Variants in KRABD3 observed in about 807,000 individuals in gnomAD.
KRABD3 encodes the protein KRAB domain containing 3.
At chr7:149,725,647 G>A in the KRABD3 span, among the ~76,000 whole-genome samples, 1 of 152,224 alleles carries the variant, frequency 6.6e-6, no homozygotes, top group African/African-American at 2.4e-5. Flanking sequence ...CCGCCCGCAT[G>A]TGCTGAAAGC....
chr7:149,717,523 C>T, the KRABD3 span, among the ~76,000 whole-genome samples: 1 of 152,240 alleles, frequency 6.6e-6, no homozygotes, highest in South Asian at 2.1e-4. Flanking sequence ...GTGTCTGAGA[C>T]TGTTCCTGAG....
At chr7:149,726,824 C>G in the KRABD3 span, among the ~76,000 whole-genome samples, 5 of 152,104 alleles carry the variant, frequency 3.3e-5, no homozygotes, top group African/African-American at 2.4e-5. Context: ...CAGGGGATCA[C>G]TTGAGCCCCA....
the KRABD3 span, chr7:149,720,986 C>T: frequency 5.6e-6 from 9 of 1,613,292 alleles, no homozygotes; most frequent in East Asian, 4.5e-5. Flanking sequence ...GAGCGAGCCC[C>T]GAGGGTAAGT....
chr7:149,730,131 C>T, the KRABD3 span: 5 of 1,487,920 alleles, frequency 3.4e-6, no homozygotes, highest in African/African-American at 2.8e-5. Context: ...AGAGCACTCT[C>T]TGGTCCCCTG....
At chr7:149,721,665 T>C in the KRABD3 span, 2 of 1,076,018 alleles carry the variant, frequency 1.9e-6, no homozygotes, top group East Asian at 2.6e-5. Context: ...GCTGTTCTTT[T>C]GTTAACAAAG....
the KRABD3 span, chr7:149,734,194 G>A: frequency 1.0e-3 from 1,128 of 1,127,998 alleles, 14 homozygotes; most frequent in African/African-American, 0.016. Flanking sequence ...GTCCCAACTG[G>A]GTAGAGCCCC....
the KRABD3 span, among the ~76,000 whole-genome samples, chr7:149,716,827 C>T: frequency 6.6e-6 from 1 of 152,180 alleles, no homozygotes; most frequent in African/African-American, 2.4e-5. Flanking sequence ...AATCATAGCA[C>T]TTAATATTCA....
chr7:149,719,615 C>T, the KRABD3 span: 1 of 1,607,118 alleles, frequency 6.2e-7, no homozygotes, highest in Non-Finnish European at 8.5e-7. The surrounding 1 kb of genome is among the most constrained non-coding windows in gnomAD (Gnocchi z 5.6). Flanking sequence ...GGAGGAGGGG[C>T]AGAGGGAGTT....
At chr7:149,725,382 G>T in the KRABD3 span, 4 of 1,609,110 alleles carry the variant, frequency 2.5e-6, no homozygotes, top group Non-Finnish European at 3.4e-6. Flanking sequence ...CCCCAAATGG[G>T]TCGTCACCTT....
chr7:149,731,526 G>T, the KRABD3 span: 1 of 694,376 alleles, frequency 1.4e-6, no homozygotes. Flanking sequence ...CCAGAATTAG[G>T]CTCCCTCATG....
chr7:149,722,823 C>G, the KRABD3 span: 2 of 1,610,948 alleles, frequency 1.2e-6, no homozygotes, highest in Non-Finnish European at 1.7e-6. Context: ...GCCTCATCAA[C>G]TGTCTGAAGG....
the KRABD3 span, chr7:149,720,077 G>T: frequency 6.4e-7 from 1 of 1,554,030 alleles, no homozygotes. Context: ...GTTGGGGGAG[G>T]GAGCCACGCT....
the KRABD3 span, chr7:149,730,070 C>G: frequency 2.1e-6 from 3 of 1,425,536 alleles, no homozygotes; most frequent in Non-Finnish European, 2.8e-6. Context: ...GGGACCGGTT[C>G]TGTGTGCCCA....
chr7:149,727,990 G>GCTCT, the KRABD3 span, among the ~76,000 whole-genome samples: 1 of 152,344 alleles, frequency 6.6e-6, no homozygotes, highest in South Asian at 2.1e-4. Context: ...ATTAGGAAGG[G>GCTCT]CTCTCCTCAC....
the KRABD3 span, among the ~76,000 whole-genome samples, chr7:149,727,661 T>A: frequency 4.6e-5 from 7 of 152,346 alleles, no homozygotes; most frequent in Middle Eastern, 3.4e-3. Context: ...TGGTATTCGG[T>A]AGCATGCTTC....
chr7:149,721,610 C>G, the KRABD3 span: 3 of 1,489,734 alleles, frequency 2.0e-6, no homozygotes, highest in Non-Finnish European at 2.7e-6. Flanking sequence ...GGACCTGGAC[C>G]CTGTGCCCTC....
chr7:149,728,529 C>T, the KRABD3 span: 3 of 1,613,110 alleles, frequency 1.9e-6, no homozygotes, highest in Non-Finnish European at 2.5e-6. Context: ...ACAGGAAGCC[C>T]ACCAGGAAGC....
At chr7:149,725,386 T>A in the KRABD3 span, 1 of 1,609,610 alleles carries the variant, frequency 6.2e-7, no homozygotes, top group Non-Finnish European at 8.5e-7. Flanking sequence ...AAATGGGTCG[T>A]CACCTTCCCA....
At chr7:149,719,197 C>A in the KRABD3 span, among the ~76,000 whole-genome samples, 7 of 152,208 alleles carry the variant, frequency 4.6e-5, no homozygotes, top group Admixed American at 6.5e-5. The surrounding 1 kb of genome is among the most constrained non-coding windows in gnomAD (Gnocchi z 5.6). Flanking sequence ...ACACAGCTTT[C>A]TTCTTTTGTG....
Sources: gnomAD v4.1 joint callset for allele counts (sites outside exome capture counted in the v4.1 genomes callset) on GRCh38, gnomAD v4.1.1 for gene constraint, Gnocchi (gnomAD v3.1) non-coding constraint, MANE v1.5 for transcripts, NCBI Gene and HGNC (gene_info 2026-07-23, HGNC 2026-07-21) for gene names.